The following PELI2 variants were observed in gnomAD, a reference collection of about 807,000 sequenced individuals.
The protein encoded by PELI2 is E3 ubiquitin-protein ligase pellino homolog 2.
A neutral mutation model predicts 42.3 loss-of-function variants in PELI2; 23 were observed. The observed-to-expected ratio is 0.54, with a 90% CI of 0.39 to 0.77. PELI2 has a LOEUF of 0.77. Among genes scored for constraint, PELI2 ranks in the 30% least tolerant of loss-of-function variants. The probability of loss-of-function intolerance (pLI) is 0.00; values close to 1 mark genes in which losing one functional copy is unlikely to be tolerated. For missense variants in PELI2, 463 were observed against 553.2 expected, an observed-to-expected ratio of 0.84 and a Z score of 1.64; for synonymous variants, 245 against 212.2, an observed-to-expected ratio of 1.15 and a Z score of -1.34.
intron 2 of PELI2, among the ~76,000 whole-genome samples, chr14:56,192,522 T>A (rs2139690382): frequency 6.6e-6 from 1 of 152,298 alleles, no homozygotes. Context: ...TGCCCTCGTA[T>A]GATTACCAAA....
chr14:56,272,522 TTTC>T (rs1306189878), intron 2 of PELI2, among the ~76,000 whole-genome samples: 1 of 152,202 alleles, frequency 6.6e-6, no homozygotes, highest in Admixed American at 6.5e-5. Flanking sequence ...ACATGGTGAT[TTTC>T]TTCTTCTGCC....
intron 2 of PELI2, among the ~76,000 whole-genome samples, chr14:56,209,488 C>T (rs1757864774): frequency 6.6e-6 from 1 of 152,170 alleles, no homozygotes; most frequent in African/African-American, 2.4e-5. Flanking sequence ...AAAACAACAT[C>T]ACTCTTCCAG....
intron 1 of PELI2, among the ~76,000 whole-genome samples, chr14:56,171,616 A>C (rs923283502): frequency 6.6e-6 from 1 of 152,144 alleles, no homozygotes; most frequent in Admixed American, 6.5e-5. Flanking sequence ...ACTTTTTTAG[A>C]ACTCACATTC....
intron 2 of PELI2, among the ~76,000 whole-genome samples, chr14:56,260,534 T>C (rs1888676076): frequency 6.6e-6 from 1 of 152,220 alleles, no homozygotes; most frequent in African/African-American, 2.4e-5. Flanking sequence ...GACAGTTCTA[T>C]GTCTTGACTG....
At chr14:56,227,169 T>C (rs1175987764) in intron 2 of PELI2, among the ~76,000 whole-genome samples, 2 of 152,246 alleles carry the variant, frequency 1.3e-5, no homozygotes, top group Admixed American at 6.5e-5. Context: ...TAGGTGGGCC[T>C]GGGCAAGGTA....
intron 2 of PELI2, among the ~76,000 whole-genome samples, chr14:56,225,980 C>G (rs1887338859): frequency 6.6e-6 from 1 of 152,106 alleles, no homozygotes; most frequent in African/African-American, 2.4e-5. Flanking sequence ...GTTTCAGAAT[C>G]TGTGTTTTTA....
chr14:56,199,756 C>T (rs1415861116), intron 2 of PELI2, among the ~76,000 whole-genome samples: 1 of 152,168 alleles, frequency 6.6e-6, no homozygotes, highest in African/African-American at 2.4e-5. Context: ...TATGATAAAC[C>T]AGCCAGCTAT....
chr14:56,153,512 T>C (rs1387837263), intron 1 of PELI2, among the ~76,000 whole-genome samples: 1 of 152,166 alleles, frequency 6.6e-6, no homozygotes, highest in Non-Finnish European at 1.5e-5. Context: ...AGACAAACTT[T>C]TCAGACTGAA....
At chr14:56,296,168 C>G (rs1049019835) in intron 5 of PELI2, among the ~76,000 whole-genome samples, 8 of 152,114 alleles carry the variant, frequency 5.3e-5, no homozygotes, top group African/African-American at 1.9e-4. Flanking sequence ...GACTGCAGGC[C>G]CCCCGCAAGA....
At chr14:56,182,936 T>C (rs1885638216) in intron 2 of PELI2, among the ~76,000 whole-genome samples, 1 of 152,192 alleles carries the variant, frequency 6.6e-6, no homozygotes, top group Non-Finnish European at 1.5e-5. Context: ...GTTGATCTCC[T>C]GCACGTTCAT....
intron 1 of PELI2, among the ~76,000 whole-genome samples, chr14:56,153,796 C>A (rs1252809160): frequency 6.6e-6 from 1 of 152,094 alleles, no homozygotes; most frequent in Non-Finnish European, 1.5e-5. Flanking sequence ...AAACCGAGTT[C>A]TTTTCTTGTG....
In PELI2 at chr14:56,118,727, G is replaced by C; in HGVS notation, c.67G>C (p.Val23Leu). ...NKEPVKYGELVVLGYNGALPN... is the reference protein window; with the variant it reads ...NKEPVKYGELLVLGYNGALPN... ...GGAGCCAGTGAAATACGGGGAGCTG[G>C]TGGTGCTCGGGTGAGTCCTGGGGTC... The change falls in exon 1 of 6, where the codon GTG (valine) becomes CTG (leucine). Residue 23 changes from valine to leucine, a missense_variant. Physicochemically the swap from Val to Leu is conservative, Grantham distance 32. Around this residue, in one of 3 missense-constraint regions of PELI2, gnomAD observed 343 missense variants for 378.4 expected, o/e 0.91. Coordinates refer to ENST00000267460, the MANE Select transcript of PELI2 (RefSeq NM_021255.3). 6.5e-7 allele frequency: 1 copy of C among 1,528,376 alleles called. No individual in the cohort carries two copies. Among genetic ancestry groups the C allele is most frequent in the South Asian group, 1.2e-5 (1 of 82,704 alleles). 94.7% of individuals were successfully genotyped at this position (1,528,376 alleles called of 1,614,324 possible).
chr14:56,174,540 A>T (rs1035428065), intron 1 of PELI2, among the ~76,000 whole-genome samples: 2 of 152,030 alleles, frequency 1.3e-5, no homozygotes, highest in African/African-American at 4.8e-5. Context: ...GCAGGAGGCG[A>T]TTGGATGGCG....
At chr14:56,270,289 G>A (rs964433286) in intron 2 of PELI2, among the ~76,000 whole-genome samples, 3 of 152,190 alleles carry the variant, frequency 2.0e-5, no homozygotes, top group African/African-American at 4.8e-5. Context: ...CCATGGTTCC[G>A]GCGCTTGTTT....
At chr14:56,214,921 C>T (rs1348172239) in intron 2 of PELI2, among the ~76,000 whole-genome samples, 3 of 152,128 alleles carry the variant, frequency 2.0e-5, no homozygotes, top group African/African-American at 2.4e-5. Flanking sequence ...AGGAGCATTG[C>T]GGACCAGCAG....
At chr14:56,201,219 C>G (rs1886319832) in intron 2 of PELI2, among the ~76,000 whole-genome samples, 1 of 152,166 alleles carries the variant, frequency 6.6e-6, no homozygotes, top group Non-Finnish European at 1.5e-5. Context: ...ATTCAGTATT[C>G]TGTCGAAAGG....
At position 56,300,213 on chromosome 14, in the gene PELI2, T is replaced by C. The variant is rs190552306; in HGVS notation, c.*3047T>C. 6.5e-6 allele frequency: 1 copy of C among 152,734 alleles called. No homozygotes were observed. Among genetic ancestry groups the C allele is most frequent in the Admixed American group, 6.5e-5 (1 of 15,304 alleles). The allele number at this position is 152,734 out of a possible 1,614,324, so 9.5% of individuals were successfully genotyped here. ...CCTCAGGGAAGCCACGTGATATAAC[T>C]GGTTATAGAATTTCAGGGTTAGGGT... On this transcript the variant is annotated 3_prime_UTR_variant, in exon 6 of 6. Coordinates refer to ENST00000267460, the MANE Select transcript of PELI2 (RefSeq NM_021255.3).
intron 2 of PELI2, among the ~76,000 whole-genome samples, chr14:56,252,916 T>G (rs1443486667): frequency 6.6e-6 from 1 of 152,188 alleles, no homozygotes; most frequent in East Asian, 1.9e-4. Context: ...AAGGAAAATT[T>G]CAGGCCAGTA....
At chr14:56,205,742 G>T (rs1027621408) in intron 2 of PELI2, among the ~76,000 whole-genome samples, 1 of 152,178 alleles carries the variant, frequency 6.6e-6, no homozygotes, top group East Asian at 1.9e-4. Context: ...AGGGGCTGCT[G>T]CAAGGACCTC....
Sources: gnomAD v4.1 joint callset for allele counts (sites outside exome capture counted in the v4.1 genomes callset) on GRCh38, gnomAD v4.1.1 for gene constraint, gnomAD v4.1.1 regional missense constraint, MANE v1.5 for transcripts, NCBI Gene and HGNC (gene_info 2026-07-23, HGNC 2026-07-21) for gene names.